PTPRS: variants seen among roughly 807,000 people sequenced by gnomAD.
PTPRS encodes the protein protein tyrosine phosphatase receptor type S, also known as receptor-type tyrosine-protein phosphatase S.
Under a neutral mutation model 215.3 loss-of-function variants are expected in PTPRS, and 63 were observed. That is an observed-to-expected ratio of 0.29 (90% CI 0.24 to 0.36). The LOEUF is 0.36. Ranked by LOEUF, PTPRS falls within the 10% of genes least tolerant of loss-of-function variation. PTPRS has a pLI of 1.00. For missense variants in PTPRS, 2,258 were observed against 2,825.8 expected, an observed-to-expected ratio of 0.80 and a Z score of 4.56; for synonymous variants, 1,404 against 1,191.4, an observed-to-expected ratio of 1.18 and a Z score of -3.68.
intron 1 of PTPRS, among the ~76,000 whole-genome samples, chr19:5,300,370 C>T (rs1406929130): frequency 2.6e-5 from 4 of 152,136 alleles, no homozygotes; most frequent in Admixed American, 1.3e-4. Context: ...ACACTTCCAT[C>T]ACTGCAGAAA....
chr19:5,319,883 C>T lies in PTPRS; in HGVS notation c.-95+20781G>A, dbSNP rs530436611. Among the ~76,000 whole-genome samples, 7 of 152,192 alleles carry T rather than the reference C, an allele frequency of 4.6e-5. No individual in the cohort carries two copies. The East Asian group carries it at 7.7e-4, about 17-fold the overall frequency. ...AATGACAACCCTCATGCCTCCCTCC[C>T]GAGTCCCCTTTGTTCCTTTACTGCT... On this transcript the variant is annotated intron_variant, in intron 1 of 37. Transcript: ENST00000262963.
At chr19:5,311,774 C>G (rs1313324235) in intron 1 of PTPRS, among the ~76,000 whole-genome samples, 1 of 152,162 alleles carries the variant, frequency 6.6e-6, no homozygotes. Flanking sequence ...GGTGCGGTGG[C>G]TCACGCCTGT....
At chr19:5,282,342 A>C (rs2047926890) in intron 2 of PTPRS, among the ~76,000 whole-genome samples, 1 of 151,898 alleles carries the variant, frequency 6.6e-6, no homozygotes, top group South Asian at 2.1e-4. Flanking sequence ...AATGCTTGCA[A>C]TCTCTCCTTT....
chr19:5,303,244 C>T (rs948605223), intron 1 of PTPRS, among the ~76,000 whole-genome samples: 25 of 152,080 alleles, frequency 1.6e-4, no homozygotes, highest in African/African-American at 5.8e-4. Flanking sequence ...TCTTGGTGCC[C>T]GGGGCTGATT....
Position 5,223,093 on chromosome 19 carries a change from G to T in PTPRS, c.2699C>A (p.Thr900Lys). The T allele has an allele frequency of 1.3e-6, 2 of 1,563,232 alleles. No individual in the cohort carries two copies. Among genetic ancestry groups the T allele is most frequent in the Non-Finnish European group, 8.7e-7 (1 of 1,154,264 alleles). ...YTASGVHKGA[T>K]YVFRLAARSR... ...CCGGGCCGCAAGCCGGAACACATAC[G>T]TGGCCCCCTTGTGCACGCCTGATGC... The change falls in exon 18 of 38, where the codon ACG (threonine) becomes AAG (lysine). Residue 900 changes from threonine (T) to lysine (K), a missense_variant. Physicochemically the swap from Thr to Lys is moderately conservative, Grantham distance 78. Transcript: ENST00000262963.
chr19:5,302,238 T>A (rs564039982), intron 1 of PTPRS, among the ~76,000 whole-genome samples: 1 of 152,012 alleles, frequency 6.6e-6, no homozygotes, highest in South Asian at 2.1e-4. Context: ...GCAGTACATG[T>A]CTGTACTCCC....
At chr19:5,253,637 C>A (rs891484045) in intron 9 of PTPRS, among the ~76,000 whole-genome samples, 2 of 152,158 alleles carry the variant, frequency 1.3e-5, no homozygotes, top group African/African-American at 4.8e-5. Flanking sequence ...AAAATGAGAT[C>A]ATGAGATGAG....
intron 4 of PTPRS, 59 bp from the exon 5 acceptor site, chr19:5,265,255 G>A (rs1178522806): frequency 4.6e-6 from 7 of 1,510,112 alleles, no homozygotes; most frequent in Non-Finnish European, 5.4e-6. Flanking sequence ...AGCCACTCCT[G>A]AGCCTGGGGC....
intron 6 of PTPRS, among the ~76,000 whole-genome samples, chr19:5,262,644 C>T (rs932843982): frequency 2.0e-5 from 3 of 152,192 alleles, no homozygotes; most frequent in African/African-American, 7.2e-5. Flanking sequence ...TTCCATGAGC[C>T]CGAGGATGCC....
intron 1 of PTPRS, among the ~76,000 whole-genome samples, chr19:5,317,910 G>A (rs1290223783): frequency 2.0e-5 from 3 of 152,158 alleles, no homozygotes; most frequent in Admixed American, 6.5e-5. Flanking sequence ...AGTGGCTCAC[G>A]CCTGCAATCC....
In PTPRS at chr19:5,214,748, G is replaced by A; in HGVS notation, c.4319-12C>T. ...ACTGCCCATGATGCCTGCAGCCAGG[G>A]CGAGAGGCCAGGGATCTGTGGGGGC... On this transcript the variant is annotated splice_polypyrimidine_tract_variant and intron_variant, in intron 28 of 37. Coordinates refer to ENST00000262963, the MANE Select transcript of PTPRS (RefSeq NM_002850.4). 2 of 1,591,940 alleles carry A rather than the reference G, an allele frequency of 1.3e-6. No individual in the cohort carries two copies. The highest frequency in any genetic ancestry group is 1.7e-6 in the Non-Finnish European group (2 of 1,163,882).
rs147647579 is a variant in PTPRS, at chr19:5,210,471, G to A, written c.5485C>T (p.Arg1829Trp). 5.0e-6 allele frequency: 8 copies of A among 1,613,938 alleles called. No homozygotes were observed. The highest frequency in any genetic ancestry group is 2.2e-5 in the South Asian group (2 of 91,070). Residue 1829 changes from arginine (R) to tryptophan (W), a missense_variant and splice_region_variant, in exon 35 of 38, where the codon CGG (arginine) becomes TGG (tryptophan). Arg to Trp is a moderately radical substitution (Grantham distance 101, BLOSUM62 -3). Coordinates refer to ENST00000262963, the MANE Select transcript of PTPRS (RefSeq NM_002850.4). This position sits in a 1 kb window ranked among gnomAD's most constrained non-coding sequence, Gnocchi z 4.5. ...CGCCAGTCTGTCTCTTCACTCACCC[G>A]GGCATCTGTGACCTTGAACTCTCGC... is the stretch of plus-strand genomic sequence containing the variant. ...ILREFKVTDARDGQSRTVRQF... is the reference protein window; with the variant it reads ...ILREFKVTDAWDGQSRTVRQF...
At chr19:5,266,620 C>T (rs1269280803) in intron 4 of PTPRS, among the ~76,000 whole-genome samples, 1 of 152,060 alleles carries the variant, frequency 6.6e-6, no homozygotes, top group Non-Finnish European at 1.5e-5. Flanking sequence ...CTGCCGTGGC[C>T]TCCCAAAGTG....
At chr19:5,331,127 T>TAAAAAAAAA (rs1568622692) in intron 1 of PTPRS, among the ~76,000 whole-genome samples, 1,266 of 80,338 alleles carry the variant, frequency 0.016, 31 homozygotes, top group African/African-American at 0.058. Flanking sequence ...GCTTCTTTTT[T>TAAAAAAAAA]TAAAAAAAAA....
intron 12 of PTPRS, 126 bp from the exon 13 acceptor site, chr19:5,239,189 CAG>C (rs1045283790): frequency 2.8e-5 from 15 of 536,120 alleles, no homozygotes; most frequent in Middle Eastern, 4.7e-4. Context: ...GAGAGAGAGA[CAG>C]AGAAATAGAG....
Position 5,231,307 on chromosome 19 carries a change from T to C in PTPRS, c.2155+3A>G, listed in dbSNP as rs771916843. 2.5e-6 allele frequency: 4 copies of C among 1,601,424 alleles called. No individual in the cohort carries two copies. The highest frequency in any genetic ancestry group is 3.4e-6 in the Non-Finnish European group (4 of 1,177,026). On this transcript the variant is annotated splice_donor_region_variant and intron_variant, in intron 14 of 37. Transcript: ENST00000262963. ...GGGTCCCGGGCCTGGGGCAGGTACT[T>C]ACCATCCTCGTCGGTGCGGACGACC...
chr19:5,220,859 A>G, intron 20 of PTPRS, 141 bp downstream of exon 20: 3 of 982,464 alleles, frequency 3.1e-6, no homozygotes, highest in Admixed American at 2.4e-5. Context: ...TGAATCTTGG[A>G]TGACCCCATG....
rs943484313 is a variant in PTPRS, at chr19:5,257,702, T to C, written c.706+315A>G. On this transcript the variant is annotated intron_variant, in intron 8 of 37. Coordinates refer to ENST00000262963, the MANE Select transcript of PTPRS (RefSeq NM_002850.4). This position sits in a 1 kb window ranked among gnomAD's most constrained non-coding sequence, Gnocchi z 4.4. ...AGGCCTGCAGGCTCCCCTGGCCCTG[T>C]AGGCCCAAGACTGACCCCCTCACCC... 6.6e-5 allele frequency among the ~76,000 whole-genome samples: 10 copies of C among 152,028 alleles called. No homozygotes were observed. The highest frequency in any genetic ancestry group is 1.4e-4 in the African/African-American group (6 of 41,386).
chr19:5,315,478 C>T (rs948944072), intron 1 of PTPRS, among the ~76,000 whole-genome samples: 7 of 149,522 alleles, frequency 4.7e-5, no homozygotes. Context: ...ATTCTCTTGC[C>T]TCAGCCTCCC....
Sources: gnomAD v4.1 joint callset for allele counts (sites outside exome capture counted in the v4.1 genomes callset) on GRCh38, gnomAD v4.1.1 for gene constraint, Gnocchi (gnomAD v3.1) non-coding constraint, MANE v1.5 for transcripts, NCBI Gene and HGNC (gene_info 2026-07-23, HGNC 2026-07-21) for gene names.